Variants in ZRANB1 observed in about 807,000 individuals in gnomAD.
ZRANB1 encodes the protein ubiquitin thioesterase ZRANB1.
ZRANB1 carries 16 observed loss-of-function variants against 80.5 expected under a neutral mutation model. The observed-to-expected ratio is 0.20, with a 90% CI of 0.13 to 0.30. ZRANB1 has a LOEUF of 0.30. Among genes scored for constraint, ZRANB1 ranks in the 10% least tolerant of loss-of-function variants. ZRANB1 has a pLI of 1.00. For missense variants in ZRANB1, 576 were observed against 862.6 expected (o/e 0.67, Z 4.16); for synonymous variants, 291 against 293.1 (o/e 0.99, Z 0.07).
intron 1 of ZRANB1, chr10:124,945,444 G>T (rs1951574030): frequency 7.5e-6 from 1 of 132,490 alleles, no homozygotes; most frequent in Non-Finnish European, 1.5e-5. Context: ...TCAGGGAGTA[G>T]TGTACTATGA....
Position 124,966,060 on chromosome 10 carries a change from A to C in ZRANB1, c.815-534A>C, listed in dbSNP as rs536481936. Among the ~76,000 whole-genome samples, 6 of 152,358 alleles carry C rather than the reference A, an allele frequency of 3.9e-5. No homozygotes were observed. In the South Asian group the frequency reaches 1.2e-3, roughly 32 times the overall value. On this transcript the variant is annotated intron_variant, in intron 1 of 8. Coordinates refer to ENST00000359653, the MANE Select transcript of ZRANB1 (RefSeq NM_017580.3). ...GAGAATCTGAAATCAAAATGTTGCC[A>C]ACGTTTACTTACACTGAAGATGGTT...
the ZRANB1 span, among the ~76,000 whole-genome samples, chr10:124,932,204 C>T: frequency 1.3e-5 from 2 of 151,930 alleles, no homozygotes; most frequent in African/African-American, 4.8e-5. Context: ...TTTATCCATT[C>T]ACCCACTGAA....
In ZRANB1 at chr10:124,987,200, ATAGTCCTTTT is replaced by A. The variant is rs1301013892; in HGVS notation, c.*2210_*2219del. The A allele has an allele frequency of 6.7e-6, 1 of 148,230 alleles. No individual in the cohort carries two copies. The highest frequency in any genetic ancestry group is 1.5e-5 in the Non-Finnish European group (1 of 66,710). 9.2% of individuals were successfully genotyped at this position (148,230 alleles called of 1,614,324 possible). A position where few individuals can be genotyped will look rare whatever the true frequency, so the allele number is the denominator to read the frequency against. On this transcript the variant is annotated 3_prime_UTR_variant, in exon 9 of 9. Transcript: ENST00000359653. Reference sequence around the variant, plus strand: ...CATAATTATTGTCCCAAGATAGAATATAGTCCTTTTTCAAAGATGATTATACGTGGCTAGG... The same window carrying A: ...CATAATTATTGTCCCAAGATAGAATATCAAAGATGATTATACGTGGCTAGG...
At chr10:124,979,354 C>A (rs1036985549) in intron 5 of ZRANB1, among the ~76,000 whole-genome samples, 1 of 152,128 alleles carries the variant, frequency 6.6e-6, no homozygotes, top group Non-Finnish European at 1.5e-5. Flanking sequence ...TATCTTTCCA[C>A]GTCTTTTGCT....
chr10:124,944,457 G>T, intron 1 of ZRANB1, among the ~76,000 whole-genome samples: 1 of 148,910 alleles, frequency 6.7e-6, no homozygotes, highest in African/African-American at 2.5e-5. Flanking sequence ...GAAATCGTGA[G>T]TTTTAAAATT....
intron 1 of ZRANB1, among the ~76,000 whole-genome samples, chr10:124,959,776 A>T (rs993739975): frequency 1.2e-4 from 19 of 152,174 alleles, no homozygotes; most frequent in Non-Finnish European, 4.4e-5. Context: ...TCAACTTTTG[A>T]AAAGGGAATG....
intron 1 of ZRANB1, among the ~76,000 whole-genome samples, chr10:124,965,531 A>G (rs1029716818): frequency 7.2e-5 from 11 of 152,180 alleles, no homozygotes; most frequent in African/African-American, 9.7e-5. Context: ...CATTTTATCA[A>G]TCTGTTATAT....
chr10:124,983,407 G>T lies in ZRANB1; in HGVS notation c.1679-52G>T. 6.3e-7 allele frequency: 1 copy of T among 1,591,320 alleles called. No homozygotes were observed. Among genetic ancestry groups the T allele is most frequent in the Non-Finnish European group, 8.6e-7 (1 of 1,165,318 alleles). ...GGGAATGTGAACAAGGGCAGTGAGG[G>T]AGTGGCTCTTTCTTCCTGTGACTGT... On this transcript the variant is annotated intron_variant, in intron 7 of 8. Transcript: ENST00000359653. The surrounding 1 kb of genome is among the most constrained non-coding windows in gnomAD (Gnocchi z 6.2).
chr10:124,979,629 TAGA>T (rs1453532033), intron 5 of ZRANB1, among the ~76,000 whole-genome samples: 2 of 152,258 alleles, frequency 1.3e-5, no homozygotes, highest in African/African-American at 2.4e-5. Context: ...TGTGTTTTCA[TAGA>T]AGAATTTTAT....
At chr10:124,925,180 GATT>G in the ZRANB1 span, among the ~76,000 whole-genome samples, 1 of 152,114 alleles carries the variant, frequency 6.6e-6, no homozygotes, top group Non-Finnish European at 1.5e-5. Context: ...AAAATGCTGG[GATT>G]ACAGGCGTGA....
At chr10:124,922,270 TATATATGTAAA>T in the ZRANB1 span, among the ~76,000 whole-genome samples, 102 of 60,992 alleles carry the variant, frequency 1.7e-3, no homozygotes, top group African/African-American at 3.9e-3. Flanking sequence ...AATATATATA[TATATATGTAAA>T]ATATATATAT....
chr10:124,932,430 C>G, the ZRANB1 span, among the ~76,000 whole-genome samples: 1 of 152,008 alleles, frequency 6.6e-6, no homozygotes, highest in African/African-American at 2.4e-5. Context: ...GCTGGAACTA[C>G]AGGTACCCGC....
chr10:124,980,476 A>T (rs1195066261), intron 5 of ZRANB1, among the ~76,000 whole-genome samples: 1 of 151,872 alleles, frequency 6.6e-6, no homozygotes, highest in African/African-American at 2.4e-5. Flanking sequence ...AACTTTCAGT[A>T]TTGACAATTT....
At chr10:124,932,843 G>A in the ZRANB1 span, among the ~76,000 whole-genome samples, 30 of 152,112 alleles carry the variant, frequency 2.0e-4, no homozygotes, top group East Asian at 5.2e-3. Context: ...GATTATAGGC[G>A]CGAGCCACCC....
intron 6 of ZRANB1, among the ~76,000 whole-genome samples, chr10:124,982,326 T>C (rs555406964): frequency 6.6e-6 from 1 of 152,180 alleles, no homozygotes; most frequent in Non-Finnish European, 1.5e-5. Flanking sequence ...CTCCCTGTGG[T>C]GAGGCAATAC....
intron 5 of ZRANB1, among the ~76,000 whole-genome samples, chr10:124,976,707 G>T (rs931952490): frequency 6.6e-6 from 1 of 151,034 alleles, no homozygotes; most frequent in African/African-American, 2.4e-5. Context: ...AAGTAGCTGG[G>T]ATTACAGGTG....
chr10:124,969,064 C>G (rs1951798943), intron 2 of ZRANB1, among the ~76,000 whole-genome samples: 1 of 152,144 alleles, frequency 6.6e-6, no homozygotes, highest in African/African-American at 2.4e-5. Flanking sequence ...ACTCAGGTGG[C>G]TTTTGGCAGG....
intron 5 of ZRANB1, among the ~76,000 whole-genome samples, chr10:124,975,054 C>A (rs895937621): frequency 2.6e-5 from 4 of 152,202 alleles, no homozygotes; most frequent in South Asian, 2.1e-4. Flanking sequence ...CTGCCTGGGG[C>A]CCCCAAAGTG....
intron 1 of ZRANB1, among the ~76,000 whole-genome samples, chr10:124,952,760 G>A (rs1951651244): frequency 2.0e-5 from 3 of 151,400 alleles, no homozygotes; most frequent in South Asian, 2.1e-4. Context: ...ATAGGCGCCC[G>A]CCAACATTCC....
Sources: allele counts gnomAD v4.1 joint callset (sites outside exome capture counted in the v4.1 genomes callset), GRCh38; gene constraint gnomAD v4.1.1; non-coding constraint Gnocchi (gnomAD v3.1); transcripts MANE v1.5; gene names NCBI Gene and HGNC (gene_info 2026-07-23, HGNC 2026-07-21).